Variants in ZFP90 observed in about 807,000 individuals in gnomAD.
ZFP90 encodes zinc finger protein 90 homolog.
Under a neutral mutation model 60.8 loss-of-function variants are expected in ZFP90, and 38 were observed. The observed-to-expected ratio is 0.62, with a 90% CI of 0.48 to 0.82. The LOEUF (loss-of-function observed/expected upper bound fraction) is 0.82. ZFP90 is among the 40% of genes least tolerant of loss of function. The pLI, the probability that ZFP90 is intolerant of heterozygous loss-of-function variation, is 0.00. For missense variants in ZFP90, 711 were observed against 759.1 expected (o/e 0.94, Z 0.74); for synonymous variants, 287 against 264.8 (o/e 1.08, Z -0.82).
downstream of ZFP90, among the ~76,000 whole-genome samples, chr16:68,569,284 G>A (rs1441569372): frequency 2.6e-5 from 4 of 151,860 alleles, no homozygotes; most frequent in South Asian, 2.1e-4. Flanking sequence ...CTACAGGCAC[G>A]TACCACCATG....
chr16:68,557,327 A>T (rs1728785), intron 2 of ZFP90: 1 of 452,656 alleles, frequency 2.2e-6, no homozygotes, highest in Admixed American at 2.4e-5. Context: ...GCATTTTATT[A>T]TTAATACGGC....
Position 68,566,018 on chromosome 16 carries a change from C to A in ZFP90, c.*1320C>A. On this transcript the variant is annotated 3_prime_UTR_variant, in exon 5 of 5. Coordinates refer to ENST00000563169, the MANE Select transcript of ZFP90 (RefSeq NM_001305203.2). ...GCATGGTGGCATGCAGTGGTAGTCCCAGCTACTCAGGAGGCTGAGGTGGGA... is the reference window on the plus strand; with the variant it reads ...GCATGGTGGCATGCAGTGGTAGTCCAAGCTACTCAGGAGGCTGAGGTGGGA... 2 of 805,264 alleles carry A rather than the reference C, an allele frequency of 2.5e-6. No individual in the cohort carries two copies. The highest frequency in any genetic ancestry group is 3.0e-6 in the Non-Finnish European group (2 of 665,794). The allele number at this position is 805,264 out of a possible 1,614,324, so 49.9% of individuals were successfully genotyped here.
chr16:68,550,095 A>G (rs1342198334), intron 2 of ZFP90, among the ~76,000 whole-genome samples: 1 of 152,174 alleles, frequency 6.6e-6, no homozygotes, highest in Non-Finnish European at 1.5e-5. Context: ...TAGTGGCTAC[A>G]ATATAAAAAG....
Position 68,564,206 on chromosome 16 carries a change from TGCA to T in ZFP90, c.1421_1423del (p.Ala474del). 1 of 1,613,974 alleles carries T rather than the reference TGCA, an allele frequency of 6.2e-7. No individual in the cohort carries two copies. The highest frequency in any genetic ancestry group is 8.5e-7 in the Non-Finnish European group (1 of 1,179,974). On this transcript the variant is annotated inframe_deletion, in exon 5 of 5. Coordinates refer to ENST00000563169, the MANE Select transcript of ZFP90 (RefSeq NM_001305203.2). ...TTACTGACCATCAGAGGATCCATAC[TGCA>T]GAGAACCCCTATGATTGTGAGCAGG...
chr16:68,569,901 C>G (rs1224747406), downstream of ZFP90, among the ~76,000 whole-genome samples: 1 of 152,106 alleles, frequency 6.6e-6, no homozygotes, highest in Non-Finnish European at 1.5e-5. Context: ...AAGTCGTCCT[C>G]TAGTGTATTA....
At chr16:68,561,622 G>GTATTTTAATATATT (rs2091440506) in intron 4 of ZFP90, among the ~76,000 whole-genome samples, 1 of 152,044 alleles carries the variant, frequency 6.6e-6, no homozygotes, top group Non-Finnish European at 1.5e-5. Flanking sequence ...GTTTATTATG[G>GTATTTTAATATATT]TATTTTAATA....
chr16:68,553,979 G>A (rs1415572314), intron 2 of ZFP90, among the ~76,000 whole-genome samples: 2 of 152,116 alleles, frequency 1.3e-5, no homozygotes, highest in African/African-American at 4.8e-5. Context: ...ATGGACTTGG[G>A]TGGTGGGGCA....
At chr16:68,542,674 C>T (rs864741) in intron 2 of ZFP90, among the ~76,000 whole-genome samples, 116,536 of 152,094 alleles carry the variant, frequency 0.77, 44,741 homozygotes, top group East Asian at 0.82. Flanking sequence ...AAGAAGATGG[C>T]GGTGCATGTT....
intron 2 of ZFP90, among the ~76,000 whole-genome samples, chr16:68,540,933 A>G (rs1474358205): frequency 6.8e-6 from 1 of 147,176 alleles, no homozygotes; most frequent in Non-Finnish European, 1.5e-5. Context: ...TTTTTTTGAA[A>G]CAGGGTCTCT....
At chr16:68,571,515 G>T (rs1020221742), downstream of ZFP90, among the ~76,000 whole-genome samples, 3 of 152,116 alleles carry the variant, frequency 2.0e-5, no homozygotes, top group Non-Finnish European at 4.4e-5. Flanking sequence ...ACAACCACCT[G>T]CTTGGTTTCC....
intron 2 of ZFP90, among the ~76,000 whole-genome samples, chr16:68,573,573 A>G (rs1010220612): frequency 2.0e-5 from 3 of 152,240 alleles, no homozygotes; most frequent in Admixed American, 6.5e-5. Context: ...AAGGGATCCT[A>G]ACATGGGATT....
In ZFP90 at chr16:68,551,637, C is replaced by T. The variant is rs908104008; in HGVS notation, c.34-6361C>T. Among the ~76,000 whole-genome samples, 3 of 152,206 alleles carry T rather than the reference C, an allele frequency of 2.0e-5. No individual in the cohort carries two copies. The East Asian group carries it at 5.8e-4, about 29-fold the overall frequency. The stretch of plus-strand genomic sequence containing the variant: ...GTTTTGCCAGGTTGGTCTCAAACTC[C>T]TGATCTCAGGTGATCCACCCGCCTT... On this transcript the variant is annotated intron_variant, in intron 2 of 4. Transcript: ENST00000563169.
At position 68,563,738 on chromosome 16, in the gene ZFP90, A is replaced by C. The variant is rs200846342; in HGVS notation, c.951A>C (p.Lys317Asn). Residue 317 changes from lysine to asparagine, a missense_variant, in exon 5 of 5, where the codon AAA (lysine) becomes AAC (asparagine). Lys to Asn is a moderately conservative substitution (Grantham distance 94, BLOSUM62 0). Around this residue, in one of 5 missense-constraint regions of ZFP90, gnomAD observed 146 missense variants for 201.4 expected, o/e 0.73. Transcript: ENST00000563169. Reference sequence around the variant, plus strand: ...CCTATCAGTGTAGTCTCTGTGGGAAAGCCTTCCAGCGCAGCTCCTCCCTTG... The same window carrying C: ...CCTATCAGTGTAGTCTCTGTGGGAACGCCTTCCAGCGCAGCTCCTCCCTTG... Reference protein sequence around the residue: ...EKPYQCSLCGKAFQRSSSLVQ... With the variant: ...EKPYQCSLCGNAFQRSSSLVQ... 384 of 1,612,036 alleles carry C rather than the reference A, an allele frequency of 2.4e-4. No individual in the cohort carries two copies. Among genetic ancestry groups the C allele is most frequent in the South Asian group, 7.6e-4 (69 of 90,926 alleles).
chr16:68,558,529 T>C lies in ZFP90; in HGVS notation c.217T>C (p.Trp73Arg), dbSNP rs779811156. ...IFKLEQGEEP[W>R]ISEGEIQRPF... is the part of the protein sequence containing the mutation. Reference sequence around the variant, plus strand: ...CAAATTGGAGCAAGGAGAAGAGCCATGGATATCAGAGGGAGAAATCCAACG... The same window carrying C: ...CAAATTGGAGCAAGGAGAAGAGCCACGGATATCAGAGGGAGAAATCCAACG... Residue 73 changes from tryptophan (W) to arginine (R), a missense_variant, in exon 4 of 5, where the codon TGG becomes CGG. By Grantham distance (101) the Trp-to-Arg change is moderately radical. Transcript: ENST00000563169. The C allele has an allele frequency of 2.5e-6, 4 of 1,613,896 alleles. No homozygotes were observed. The highest frequency in any genetic ancestry group is 1.3e-5 in the African/African-American group (1 of 74,868).
intron 2 of ZFP90, among the ~76,000 whole-genome samples, chr16:68,554,168 C>G (rs909908703): frequency 6.7e-6 from 1 of 149,702 alleles, no homozygotes; most frequent in Non-Finnish European, 1.5e-5. Context: ...GTTGCCCCGG[C>G]TGGAGTGCAG....
At chr16:68,548,133 A>G (rs966839410) in intron 2 of ZFP90, among the ~76,000 whole-genome samples, 2 of 151,916 alleles carry the variant, frequency 1.3e-5, no homozygotes, top group Admixed American at 1.3e-4. Flanking sequence ...GGCCCAGTTG[A>G]TCATTTTTTA....
chr16:68,569,156 A>ATTT (rs2091554171), downstream of ZFP90, among the ~76,000 whole-genome samples: 1 of 14,542 alleles, frequency 6.9e-5, no homozygotes, highest in Non-Finnish European at 1.7e-4. Context: ...TTTTTTTTTG[A>ATTT]GATGGAGTCT....
At chr16:68,560,087 T>C (rs1162648886) in intron 4 of ZFP90, among the ~76,000 whole-genome samples, 3 of 152,240 alleles carry the variant, frequency 2.0e-5, no homozygotes, top group East Asian at 1.9e-4. Context: ...GTTTTTTCTT[T>C]TTATAAATCA....
chr16:68,558,453 G>T lies in ZFP90; in HGVS notation c.161-20G>T. On this transcript the variant is annotated intron_variant, in intron 3 of 4. Transcript: ENST00000563169. ...CCACTTGCACAAACAACCAAATCTT[G>T]TGTATTTACCCATGAGCAGGATATC... is the stretch of plus-strand genomic sequence containing the variant. The T allele has an allele frequency of 6.2e-7, 1 of 1,610,020 alleles. No individual in the cohort carries two copies. The highest frequency in any genetic ancestry group is 8.5e-7 in the Non-Finnish European group (1 of 1,176,668).
Sources: gnomAD v4.1 joint callset for allele counts (sites outside exome capture counted in the v4.1 genomes callset) on GRCh38, gnomAD v4.1.1 for gene constraint, gnomAD v4.1.1 regional missense constraint, MANE v1.5 for transcripts, NCBI Gene and HGNC (gene_info 2026-07-23, HGNC 2026-07-21) for gene names.